PDE4D: variants seen among roughly 807,000 people sequenced by gnomAD.
PDE4D encodes phosphodiesterase 4D.
In PDE4D, 24 loss-of-function variants were observed where a neutral mutation model predicts 87.4. The observed-to-expected ratio is 0.27, with a 90% CI of 0.20 to 0.39. PDE4D has a LOEUF of 0.39. PDE4D is among the 10% of genes least tolerant of loss of function. PDE4D has a pLI of 1.00. For synonymous variants in PDE4D, 384 were observed against 383.2 expected (o/e 1.00, Z -0.02); for missense variants, 714 against 1,041.0 (o/e 0.69, Z 4.32).
At chr5:60,475,612 T>C (rs1356011527) in intron 1 of PDE4D, among the ~76,000 whole-genome samples, 1 of 152,154 alleles carries the variant, frequency 6.6e-6, no homozygotes, top group African/African-American at 2.4e-5. Context: ...AACCATTCTT[T>C]TTCCTTTCAT....
chr5:60,026,533 A>G (rs1766639990), intron 2 of PDE4D, among the ~76,000 whole-genome samples: 1 of 152,188 alleles, frequency 6.6e-6, no homozygotes, highest in Non-Finnish European at 1.5e-5. Context: ...ACTGAACCGA[A>G]TGTATGTGAT....
At chr5:59,506,619 C>A (rs1809313249) in intron 1 of PDE4D, among the ~76,000 whole-genome samples, 1 of 151,704 alleles carries the variant, frequency 6.6e-6, no homozygotes, top group Admixed American at 6.6e-5. Context: ...TAATTTCCAG[C>A]AAAATAGCTA....
At chr5:60,049,352 T>A (rs1175493572) in intron 2 of PDE4D, among the ~76,000 whole-genome samples, 1 of 152,234 alleles carries the variant, frequency 6.6e-6, no homozygotes, top group Admixed American at 6.5e-5. Flanking sequence ...GTCTGAAGCC[T>A]TCTTCTCTCA....
intron 1 of PDE4D, among the ~76,000 whole-genome samples, chr5:59,764,267 T>TA (rs1022289787): frequency 5.9e-5 from 9 of 151,948 alleles, no homozygotes; most frequent in East Asian, 1.9e-4. Context: ...GAGTACATAA[T>TA]AAAAAAAATA....
intron 2 of PDE4D, among the ~76,000 whole-genome samples, chr5:60,081,665 G>A (rs1333536741): frequency 6.6e-6 from 1 of 152,092 alleles, no homozygotes; most frequent in Non-Finnish European, 1.5e-5. Context: ...AGTCATTCAG[G>A]AGCAGGTTGT....
intron 2 of PDE4D, among the ~76,000 whole-genome samples, chr5:60,090,396 T>C (rs13179177): frequency 0.14 from 21,074 of 152,198 alleles, 1,505 homozygotes; most frequent in Middle Eastern, 0.22. Flanking sequence ...ATCAATGTGA[T>C]ACATTGTATC....
chr5:59,584,908 C>G (rs1208829042), intron 1 of PDE4D, among the ~76,000 whole-genome samples: 1 of 152,086 alleles, frequency 6.6e-6, no homozygotes, highest in African/African-American at 2.4e-5. Flanking sequence ...GAACTGTTTC[C>G]AGGATCTTTT....
intron 1 of PDE4D, among the ~76,000 whole-genome samples, chr5:59,863,056 C>G (rs1022647522): frequency 1.3e-5 from 2 of 152,122 alleles, no homozygotes; most frequent in African/African-American, 4.8e-5. Context: ...ATCCATGACC[C>G]AAGCAACATT....
In PDE4D at chr5:60,520,752, C is replaced by T. The variant is rs151028423; in HGVS notation, n.70+1299G>A. 2.8e-3 allele frequency among the ~76,000 whole-genome samples: 423 copies of T among 152,340 alleles called. 4 individuals are homozygous for T. The highest frequency in any genetic ancestry group is 0.011 in the East Asian group (59 of 5,172). ...TAGGAAGACACCTGCTGGCCCACGGCCCTGGCCCAGGAGGCCCCCTTGGAG... is the reference window on the plus strand; with the variant it reads ...TAGGAAGACACCTGCTGGCCCACGGTCCTGGCCCAGGAGGCCCCCTTGGAG... On this transcript the variant is annotated intron_variant and non_coding_transcript_variant, in intron 1 of 2. Transcript: ENST00000506510.
chr5:59,287,799 G>A (rs75546142), intron 1 of PDE4D, among the ~76,000 whole-genome samples: 4 of 151,850 alleles, frequency 2.6e-5, no homozygotes, highest in African/African-American at 4.8e-5. Flanking sequence ...TAAGAGAAGA[G>A]AAAAAAGAGT....
intron 2 of PDE4D, among the ~76,000 whole-genome samples, chr5:60,054,653 C>T (rs1176800684): frequency 1.3e-5 from 2 of 151,214 alleles, no homozygotes; most frequent in Non-Finnish European, 2.9e-5. Context: ...ACATTCTACA[C>T]ATGTATCCCA....
chr5:59,642,957 T>C (rs1462790151), intron 1 of PDE4D, among the ~76,000 whole-genome samples: 1 of 152,174 alleles, frequency 6.6e-6, no homozygotes, highest in Non-Finnish European at 1.5e-5. Flanking sequence ...TCTCTACATT[T>C]TTTTTTCCAA....
intron 1 of PDE4D, among the ~76,000 whole-genome samples, chr5:59,887,198 A>G (rs191576633): frequency 6.6e-6 from 1 of 152,324 alleles, no homozygotes; most frequent in Non-Finnish European, 1.5e-5. Flanking sequence ...ATAAATGCTC[A>G]TTTAGATGAC....
At chr5:60,478,647 G>T (rs1748503426) in intron 1 of PDE4D, among the ~76,000 whole-genome samples, 1 of 152,086 alleles carries the variant, frequency 6.6e-6, no homozygotes. Flanking sequence ...CCCCTCCAAG[G>T]TTATCTTTTC....
chr5:59,321,284 A>C lies in PDE4D; in HGVS notation c.456-105316T>G, dbSNP rs181131267. Reference sequence around the variant, plus strand: ...TGAGATGGCATTCTTGGAACCTGGCATTGAACAGGGCCTTCCTCCTATAAT... The same window carrying C: ...TGAGATGGCATTCTTGGAACCTGGCCTTGAACAGGGCCTTCCTCCTATAAT... On this transcript the variant is annotated intron_variant, in intron 1 of 14. Coordinates refer to ENST00000340635, the MANE Select transcript of PDE4D (RefSeq NM_001104631.2). Among the ~76,000 whole-genome samples the C allele has an allele frequency of 4.9e-4, 75 of 152,166 alleles. 1 individual carries two copies. The East Asian group carries it at 0.014, about 28-fold the overall frequency.
chr5:59,499,231 A>T (rs1406769959), intron 1 of PDE4D, among the ~76,000 whole-genome samples: 3 of 152,040 alleles, frequency 2.0e-5, no homozygotes, highest in African/African-American at 7.2e-5. Flanking sequence ...AAAAATAGAG[A>T]TACAACATAC....
At chr5:59,000,974 C>A (rs910268519) in intron 6 of PDE4D, among the ~76,000 whole-genome samples, 5 of 152,122 alleles carry the variant, frequency 3.3e-5, no homozygotes, top group African/African-American at 1.2e-4. Context: ...CAGGTGTGAG[C>A]CAACGTGCCC....
At chr5:59,716,604 A>T (rs1412938992) in intron 1 of PDE4D, among the ~76,000 whole-genome samples, 3 of 152,212 alleles carry the variant, frequency 2.0e-5, no homozygotes, top group African/African-American at 4.8e-5. Context: ...ACCTCAAAGA[A>T]ACTCTCCAAA....
At chr5:59,927,531 A>C (rs1755425407) in intron 3 of PDE4D, among the ~76,000 whole-genome samples, 1 of 152,236 alleles carries the variant, frequency 6.6e-6, no homozygotes, top group African/African-American at 2.4e-5. Flanking sequence ...TAAGAACATC[A>C]ACAAAGTGTA....
Sources: allele counts gnomAD v4.1 joint callset (sites outside exome capture counted in the v4.1 genomes callset), GRCh38; gene constraint gnomAD v4.1.1; transcripts MANE v1.5; gene names NCBI Gene and HGNC (gene_info 2026-07-23, HGNC 2026-07-21).